The following SEM1 variants were observed in gnomAD, a reference collection of about 807,000 sequenced individuals.
SEM1 encodes the protein SEM1 26S proteasome subunit.
Under a neutral mutation model 12.7 loss-of-function variants are expected in SEM1, and 3 were observed. The observed-to-expected ratio is 0.24, with a 90% confidence interval of 0.11 to 0.61. The LOEUF is 0.61. Ranked by LOEUF, SEM1 falls within the 20% of genes least tolerant of loss-of-function variation. SEM1 has a pLI of 0.88. For missense variants in SEM1, 59 were observed against 81.3 expected (o/e 0.73, Z 1.06); for synonymous variants, 30 against 27.8 (o/e 1.08, Z -0.25).
chr7:96,522,934 C>G (rs956473650), intron 2 of SEM1, among the ~76,000 whole-genome samples: 4 of 147,614 alleles, frequency 2.7e-5, no homozygotes, highest in Non-Finnish European at 4.5e-5. Context: ...TTAAATGATA[C>G]TGAGGTGCTG....
At chr7:96,672,482 C>T (rs147484693), downstream of SEM1, 1 of 152,316 alleles carries the variant, frequency 6.6e-6, no homozygotes, top group African/African-American at 2.4e-5. Flanking sequence ...AGTACCATCA[C>T]TTCCTGGATG....
intron 2 of SEM1, among the ~76,000 whole-genome samples, chr7:96,651,761 C>T (rs539103511): frequency 5.9e-5 from 9 of 152,164 alleles, no homozygotes; most frequent in Admixed American, 2.6e-4. Context: ...TTAGTAGAGA[C>T]GGGGATTCAC....
intron 2 of SEM1, among the ~76,000 whole-genome samples, chr7:96,677,857 G>C (rs908692184): frequency 6.6e-6 from 1 of 152,056 alleles, no homozygotes; most frequent in Non-Finnish European, 1.5e-5. Context: ...TGTTTTCCCA[G>C]TAGCCAAGAT....
chr7:96,664,857 T>C (rs985891614), intron 2 of SEM1, among the ~76,000 whole-genome samples: 1 of 152,138 alleles, frequency 6.6e-6, no homozygotes, highest in Non-Finnish European at 1.5e-5. Context: ...TGAAAAACCA[T>C]ACAATAGTGA....
chr7:96,556,674 G>T (rs1353411954), intron 2 of SEM1, among the ~76,000 whole-genome samples: 1 of 110,652 alleles, frequency 9.0e-6, no homozygotes, highest in Non-Finnish European at 2.0e-5. Context: ...GTGTCTTGGA[G>T]TCGCTCTTCT....
intron 2 of SEM1, among the ~76,000 whole-genome samples, chr7:96,569,830 G>A (rs1805961160): frequency 6.6e-6 from 1 of 151,936 alleles, no homozygotes; most frequent in Non-Finnish European, 1.5e-5. Flanking sequence ...TAAGATAATG[G>A]CCTGTAGTTC....
chr7:96,616,231 C>G (rs1330862836), intron 2 of SEM1, among the ~76,000 whole-genome samples: 3 of 152,070 alleles, frequency 2.0e-5, no homozygotes, highest in Admixed American at 2.0e-4. Flanking sequence ...TTAATAACAG[C>G]CATTCTAACT....
At chr7:96,557,465 G>C (rs371796301) in intron 2 of SEM1, among the ~76,000 whole-genome samples, 11,157 of 103,924 alleles carry the variant, frequency 0.11, 766 homozygotes, top group South Asian at 0.16. Flanking sequence ...AGGTGTCAGT[G>C]TGCCCCTGCT....
chr7:96,552,001 T>C (rs1394565532), intron 2 of SEM1, among the ~76,000 whole-genome samples: 1 of 152,178 alleles, frequency 6.6e-6, no homozygotes, highest in South Asian at 2.1e-4. Context: ...AAGAAGCTAG[T>C]ACACAGAGTT....
intron 2 of SEM1, among the ~76,000 whole-genome samples, chr7:96,613,512 A>G (rs1415466838): frequency 1.3e-5 from 2 of 152,192 alleles, no homozygotes; most frequent in Admixed American, 6.5e-5. Flanking sequence ...TAGCGTATCT[A>G]TCACCTCAAA....
chr7:96,644,470 C>T (rs1318120129), intron 2 of SEM1, among the ~76,000 whole-genome samples: 2 of 152,154 alleles, frequency 1.3e-5, no homozygotes, highest in Admixed American at 1.3e-4. Context: ...GAGGCTACCT[C>T]ATGACAGTCA....
intron 2 of SEM1, among the ~76,000 whole-genome samples, chr7:96,519,175 G>A (rs1424644006): frequency 6.6e-6 from 1 of 152,106 alleles, no homozygotes; most frequent in Non-Finnish European, 1.5e-5. Context: ...AGAAACTAGT[G>A]ACTGGCAGAG....
chr7:96,483,605 T>C (rs1584689558), exon 4 of SEM1: 2 of 465,876 alleles, frequency 4.3e-6, no homozygotes, highest in East Asian at 8.6e-5. Context: ...GAGAAGTCAC[T>C]GTCTGAAACA....
chr7:96,615,784 T>C (rs377470676), intron 2 of SEM1, among the ~76,000 whole-genome samples: 1 of 152,222 alleles, frequency 6.6e-6, no homozygotes, highest in Non-Finnish European at 1.5e-5. Context: ...TGTCTATTAC[T>C]CCATGCTGTA....
chr7:96,655,440 A>G (rs931882883), intron 2 of SEM1, among the ~76,000 whole-genome samples: 1 of 129,088 alleles, frequency 7.7e-6, no homozygotes, highest in Non-Finnish European at 1.6e-5. Flanking sequence ...CAATGCAAAT[A>G]CCTTTTTTTT....
intron 2 of SEM1, among the ~76,000 whole-genome samples, chr7:96,524,106 C>T (rs1176203512): frequency 6.6e-6 from 1 of 152,126 alleles, no homozygotes; most frequent in Admixed American, 6.5e-5. Flanking sequence ...CATGCTCTGT[C>T]TCTGTCAATC....
intron 1 of SEM1, among the ~76,000 whole-genome samples, chr7:96,490,937 G>A (rs1262238708): frequency 1.3e-5 from 2 of 152,166 alleles, no homozygotes; most frequent in African/African-American, 4.8e-5. Context: ...ACATAAAACT[G>A]AATTCAGGAT....
rs1481922288 is a variant in SEM1, at chr7:96,635,384, T to C, written c.171-12741A>G. Among the ~76,000 whole-genome samples, 10 of 152,092 alleles carry C rather than the reference T, an allele frequency of 6.6e-5. No individual in the cohort carries two copies. In the East Asian group the frequency reaches 1.3e-3, roughly 21 times the overall value. On this transcript the variant is annotated intron_variant, in intron 2 of 2. Transcript: ENST00000417009. Reference sequence around the variant, plus strand: ...GGCTTGAGATATCCATGTTGGGCAATAATCGATGATTATATTTAAAGCCAA... The same window carrying C: ...GGCTTGAGATATCCATGTTGGGCAACAATCGATGATTATATTTAAAGCCAA...
intron 2 of SEM1, among the ~76,000 whole-genome samples, chr7:96,586,008 A>T (rs1325898525): frequency 2.0e-5 from 3 of 152,200 alleles, no homozygotes; most frequent in African/African-American, 7.2e-5. Flanking sequence ...TTTCAGTTTT[A>T]AAAAAGTATT....
Sources: gnomAD v4.1 joint callset for allele counts (sites outside exome capture counted in the v4.1 genomes callset) on GRCh38, gnomAD v4.1.1 for gene constraint, MANE v1.5 for transcripts, NCBI Gene and HGNC (gene_info 2026-07-23, HGNC 2026-07-21) for gene names.